Variants in EHMT1 observed in about 807,000 individuals in gnomAD.
The protein encoded by EHMT1 is histone-lysine N-methyltransferase EHMT1.
In EHMT1, 15 loss-of-function variants were observed where a neutral mutation model predicts 147.2. That is an observed-to-expected ratio of 0.10 (90% CI 0.07 to 0.16). The LOEUF is 0.16. Among genes scored for constraint, EHMT1 ranks in the 10% least tolerant of loss-of-function variants. The pLI, the probability that EHMT1 is intolerant of heterozygous loss-of-function variation, is 1.00. For missense variants in EHMT1, 1,587 were observed against 1,772.4 expected (o/e 0.90, Z 1.88); for synonymous variants, 795 against 709.6 (o/e 1.12, Z -1.91).
chr9:137,620,408 A>G (rs1291515833), intron 1 of EHMT1, among the ~76,000 whole-genome samples: 1 of 151,842 alleles, frequency 6.6e-6, no homozygotes, highest in Non-Finnish European at 1.5e-5. Flanking sequence ...CCTTTTTTAA[A>G]TTATTATTTA....
intron 18 of EHMT1, among the ~76,000 whole-genome samples, chr9:137,806,392 C>T (rs1020767285): frequency 2.0e-5 from 3 of 152,088 alleles, no homozygotes; most frequent in South Asian, 2.1e-4. Flanking sequence ...TGGCCTCACT[C>T]CCTTTACCTT....
At chr9:137,675,121 G>T (rs1466613640) in intron 1 of EHMT1, 4 of 152,232 alleles carry the variant, frequency 2.6e-5, no homozygotes, top group Admixed American at 6.5e-5. Flanking sequence ...GCCTGGCCTA[G>T]ATTGCTGTAG....
At chr9:137,794,133 T>C (rs2137179476) in intron 16 of EHMT1, among the ~76,000 whole-genome samples, 1 of 152,348 alleles carries the variant, frequency 6.6e-6, no homozygotes, top group Non-Finnish European at 1.5e-5. Context: ...CATTAAACTT[T>C]CACTGTTTTC....
intron 1 of EHMT1, among the ~76,000 whole-genome samples, chr9:137,631,585 T>G (rs1843634514): frequency 1.3e-5 from 2 of 151,414 alleles, no homozygotes; most frequent in Non-Finnish European, 2.9e-5. Flanking sequence ...CCCCTAAGAT[T>G]AGAATGAAGG....
chr9:137,724,846 G>A (rs749717008), intron 3 of EHMT1, among the ~76,000 whole-genome samples: 2 of 151,736 alleles, frequency 1.3e-5, no homozygotes, highest in Non-Finnish European at 2.9e-5. Context: ...TGGCATTCGT[G>A]TGGCAGACGT....
chr9:137,820,549 G>A (rs1022416239), intron 25 of EHMT1, among the ~76,000 whole-genome samples: 34 of 152,172 alleles, frequency 2.2e-4, no homozygotes, highest in African/African-American at 7.7e-4. Flanking sequence ...TTTTCGTAAT[G>A]TCTTAGTGAT....
chr9:137,663,412 T>C (rs908008787), intron 1 of EHMT1, among the ~76,000 whole-genome samples: 5 of 152,150 alleles, frequency 3.3e-5, no homozygotes, highest in Admixed American at 3.3e-4. Context: ...AAGAGCAGCA[T>C]GGAGCAGTGG....
At chr9:137,830,112 G>T (rs7850291) in intron 25 of EHMT1, among the ~76,000 whole-genome samples, 1,469 of 114,928 alleles carry the variant, frequency 0.013, 20 homozygotes, top group African/African-American at 0.088. Flanking sequence ...TTTTTTTTTT[G>T]TTTACATTTT....
chr9:137,750,065 T>C (rs959425798), intron 6 of EHMT1, among the ~76,000 whole-genome samples: 1 of 152,218 alleles, frequency 6.6e-6, no homozygotes, highest in African/African-American at 2.4e-5. Context: ...AAGAGTTTGC[T>C]GAGAATATAC....
At chr9:137,758,038 G>C in intron 9 of EHMT1, 27 bp downstream of exon 9, 1 of 1,613,746 alleles carries the variant, frequency 6.2e-7, no homozygotes, top group Non-Finnish European at 8.5e-7. Flanking sequence ...AACTTAGACC[G>C]GGCACCATCT....
chr9:137,815,619 G>A, intron 22 of EHMT1: 1 of 397,020 alleles, frequency 2.5e-6, no homozygotes, highest in East Asian at 5.9e-5. Flanking sequence ...AGAAAGCAGA[G>A]CAACCCAGGA....
chr9:137,619,055 C>T lies in EHMT1; in HGVS notation c.21+6C>T, dbSNP rs2133371975. On this transcript the variant is annotated splice_donor_region_variant and intron_variant, in intron 1 of 26. Transcript: ENST00000460843. ...TGGCCGCCGCCGATGCCGAGGTGAG[C>T]AGCGGGGCCGGCGGGGGGCGGCGCG... The T allele has an allele frequency of 1.1e-6, 1 of 934,976 alleles. No homozygotes were observed. The highest frequency in any genetic ancestry group is 1.3e-6 in the Non-Finnish European group (1 of 786,578). 57.9% of individuals were successfully genotyped at this position (934,976 alleles called of 1,614,324 possible).
chr9:137,700,461 A>G (rs1943740337), intron 1 of EHMT1, among the ~76,000 whole-genome samples: 3 of 152,204 alleles, frequency 2.0e-5, no homozygotes. Context: ...GCCTTAGACA[A>G]TATATTAAAG....
rs144979910 is a variant in EHMT1 at position 137,787,939 on chromosome 9, A to G, written c.2383-2909A>G. ...AAGTAGGAGGTGGGCAGCTGCCCCC[A>G]GAGGGAGGCCCTGTGTCCCCCACTG... is the stretch of plus-strand genomic sequence containing the variant. On this transcript the variant is annotated intron_variant, in intron 15 of 26. Transcript: ENST00000460843. This position sits in a 1 kb window ranked among gnomAD's most constrained non-coding sequence, Gnocchi z 4.2. 1.8e-4 allele frequency: 269 copies of G among 1,508,720 alleles called. No homozygotes were observed. In the African/African-American group the frequency reaches 3.4e-3, roughly 19 times the overall value. The allele number at this position is 1,508,720 out of a possible 1,614,324, so 93.5% of individuals were successfully genotyped here. A position where few individuals can be genotyped will look rare whatever the true frequency, so the allele number is the denominator to read the frequency against.
intron 1 of EHMT1, among the ~76,000 whole-genome samples, chr9:137,630,794 A>G (rs1202355618): frequency 6.6e-6 from 1 of 152,154 alleles, no homozygotes; most frequent in Non-Finnish European, 1.5e-5. Flanking sequence ...TTTGGTGCAC[A>G]GTGGAATTAC....
intron 4 of EHMT1, among the ~76,000 whole-genome samples, chr9:137,737,724 CTGCTTCTT>C (rs1258210528): frequency 6.6e-6 from 1 of 152,172 alleles, no homozygotes. Context: ...CCCTGTTTCC[CTGCTTCTT>C]ACTGCTGCAC....
intron 1 of EHMT1, among the ~76,000 whole-genome samples, chr9:137,643,868 T>G (rs1366408420): frequency 6.6e-6 from 1 of 152,216 alleles, no homozygotes; most frequent in Non-Finnish European, 1.5e-5. Context: ...TTCTTAATTT[T>G]TTTGACTTGA....
rs74717819 is a variant in EHMT1, at chr9:137,820,440, C to T, written c.3540+2302C>T. ...TCGTGTGTGCCACAGATGTCGCCTTCTCTCTATGACTTTTTCATTTCCTAA... is the reference window on the plus strand; with the variant it reads ...TCGTGTGTGCCACAGATGTCGCCTTTTCTCTATGACTTTTTCATTTCCTAA... On this transcript the variant is annotated intron_variant, in intron 25 of 26. Transcript: ENST00000460843. 9.0e-3 allele frequency among the ~76,000 whole-genome samples: 1,368 copies of T among 152,338 alleles called. 19 individuals carry two copies. The highest frequency in any genetic ancestry group is 0.031 in the African/African-American group (1,286 of 41,584).
chr9:137,807,947 G>C (rs1199081607), intron 18 of EHMT1, among the ~76,000 whole-genome samples: 1 of 152,212 alleles, frequency 6.6e-6, no homozygotes, highest in African/African-American at 2.4e-5. Context: ...GCCGATGCCA[G>C]GATGTGGGTG....
Sources: gnomAD v4.1 joint callset for allele counts (sites outside exome capture counted in the v4.1 genomes callset) on GRCh38, gnomAD v4.1.1 for gene constraint, Gnocchi (gnomAD v3.1) non-coding constraint, MANE v1.5 for transcripts, NCBI Gene and HGNC (gene_info 2026-07-23, HGNC 2026-07-21) for gene names.